Variants in KCNMA1 observed in about 807,000 individuals in gnomAD.
KCNMA1 encodes the protein potassium calcium-activated channel subfamily M alpha 1, also known as Calcium-activated potassium channel subunit alpha-1.
In KCNMA1, 29 loss-of-function variants were observed where a neutral mutation model predicts 140.0. The ratio of observed to expected loss-of-function variants is 0.21; its 90% confidence interval spans 0.15 to 0.28. The LOEUF (loss-of-function observed/expected upper bound fraction) is 0.28, where lower values mean the gene tolerates loss of function less well. Ranked by LOEUF, KCNMA1 falls within the 10% of genes least tolerant of loss-of-function variation. The pLI is 1.00. For synonymous variants in KCNMA1, 612 were observed against 611.9 expected (o/e 1.00, Z 0.00); for missense variants, 880 against 1,602.2 (o/e 0.55, Z 7.70).
At chr10:77,198,567 T>TTATATATATA in intron 3 of KCNMA1, among the ~76,000 whole-genome samples, 1 of 54,234 alleles carries the variant, frequency 1.8e-5, no homozygotes, top group South Asian at 9.1e-4. Context: ...CATATATATG[T>TTATATATATA]GATATATATA....
chr10:76,937,203 C>T (rs769969607), intron 23 of KCNMA1, among the ~76,000 whole-genome samples: 1 of 152,198 alleles, frequency 6.6e-6, no homozygotes, highest in African/African-American at 2.4e-5. Context: ...TCCTGTTCTC[C>T]TTAATTATTA....
chr10:77,370,594 T>A (rs1314566207), intron 2 of KCNMA1, among the ~76,000 whole-genome samples: 1 of 152,152 alleles, frequency 6.6e-6, no homozygotes, highest in Admixed American at 6.5e-5. Context: ...CATTTCAACA[T>A]GCATCTCAAC....
intron 14 of KCNMA1, among the ~76,000 whole-genome samples, chr10:77,052,843 C>G (rs377251103): frequency 6.6e-6 from 1 of 152,056 alleles, no homozygotes; most frequent in Non-Finnish European, 1.5e-5. Flanking sequence ...TTTTAGAAAG[C>G]AAGTTATAAA....
chr10:77,052,932 C>A (rs540425982), intron 14 of KCNMA1, among the ~76,000 whole-genome samples: 79 of 152,290 alleles, frequency 5.2e-4, no homozygotes, highest in African/African-American at 1.8e-3. Flanking sequence ...TCAAAGTATT[C>A]CCCCAAATAC....
chr10:77,018,584 A>G (rs2092461186), intron 17 of KCNMA1, among the ~76,000 whole-genome samples: 1 of 152,210 alleles, frequency 6.6e-6, no homozygotes, highest in South Asian at 2.1e-4. Context: ...TCCATCTGAA[A>G]TTAATCCCAA....
At chr10:77,508,624 CTCTT>C (rs1260522846) in intron 1 of KCNMA1, among the ~76,000 whole-genome samples, 1 of 102,082 alleles carries the variant, frequency 9.8e-6, no homozygotes, top group Non-Finnish European at 1.9e-5. Flanking sequence ...CCCTCTCTCT[CTCTT>C]TTTTTCTTTT....
rs553150841 is a variant in KCNMA1, at chr10:77,296,914, G to GC, written c.541-45659_541-45658insG. Among the ~76,000 whole-genome samples, 52 of 149,904 alleles carry GC rather than the reference G, an allele frequency of 3.5e-4. 1 individual carries two copies. Among genetic ancestry groups the GC allele is most frequent in the Non-Finnish European group, 6.1e-4 (41 of 66,956 alleles). ...AGAGGAATGCCTGGGTGTGTGGGCG[G>GC]GGGGGCGGTGGGGGAATGTAGAGAA... On this transcript the variant is annotated intron_variant, in intron 2 of 27. Transcript: ENST00000286628.
At chr10:76,901,890 G>C (rs1422017039) in intron 25 of KCNMA1, 1 of 152,232 alleles carries the variant, frequency 6.6e-6, no homozygotes, top group East Asian at 1.9e-4. Context: ...TTTTGCTCCT[G>C]TTTTGATACC....
At chr10:76,974,455 A>G (rs1362925856) in intron 19 of KCNMA1, 4 of 1,358,028 alleles carry the variant, frequency 2.9e-6, no homozygotes, top group Admixed American at 2.0e-5. Context: ...GGTAGTTATT[A>G]AAAATGGGAA....
At chr10:77,285,939 C>T (rs1209191557) in intron 2 of KCNMA1, among the ~76,000 whole-genome samples, 1 of 152,134 alleles carries the variant, frequency 6.6e-6, no homozygotes, top group Admixed American at 6.5e-5. Context: ...GATCAGTATT[C>T]CCCTGGTGGA....
At chr10:77,061,888 A>C (rs932450347) in intron 14 of KCNMA1, among the ~76,000 whole-genome samples, 1 of 152,212 alleles carries the variant, frequency 6.6e-6, no homozygotes, top group African/African-American at 2.4e-5. Context: ...ATGCTAAATG[A>C]AAAAAGCCAA....
intron 1 of KCNMA1, among the ~76,000 whole-genome samples, chr10:77,511,234 T>G (rs772525088): frequency 3.3e-5 from 5 of 152,234 alleles, no homozygotes; most frequent in Non-Finnish European, 7.3e-5. Context: ...GTGATGCTGA[T>G]GCTGTTGACC....
In KCNMA1 at chr10:77,308,733, T is replaced by C. The variant is rs149728782; in HGVS notation, c.541-57477A>G. 6.5e-4 allele frequency among the ~76,000 whole-genome samples: 99 copies of C among 152,300 alleles called. No homozygotes were observed. In the East Asian group the frequency reaches 0.017, roughly 26 times the overall value. On this transcript the variant is annotated intron_variant, in intron 2 of 27. Coordinates refer to ENST00000286628, the MANE Select transcript of KCNMA1 (RefSeq NM_001161352.2). Reference sequence around the variant, plus strand: ...GATAATGTGTGTCCACCATCACACATACATTACCTGCCCTGAGTCTACTCT... The same window carrying C: ...GATAATGTGTGTCCACCATCACACACACATTACCTGCCCTGAGTCTACTCT...
intron 24 of KCNMA1, chr10:76,913,914 C>A: frequency 1.6e-6 from 1 of 644,886 alleles, no homozygotes; most frequent in Non-Finnish European, 2.7e-6. Flanking sequence ...CAACCAGAGC[C>A]ACAAATAAAA....
chr10:77,168,592 T>G (rs990780083), intron 5 of KCNMA1, among the ~76,000 whole-genome samples: 4 of 152,208 alleles, frequency 2.6e-5, no homozygotes, highest in African/African-American at 9.6e-5. Flanking sequence ...TATAAGCTTA[T>G]GGGACCACCA....
intron 2 of KCNMA1, among the ~76,000 whole-genome samples, chr10:77,291,780 T>C (rs1329875591): frequency 6.6e-6 from 1 of 152,220 alleles, no homozygotes; most frequent in Non-Finnish European, 1.5e-5. Flanking sequence ...GTGCTGGTGC[T>C]TTACTTGGGC....
chr10:77,153,358 ATCT>A (rs1221066146), intron 5 of KCNMA1, among the ~76,000 whole-genome samples: 1 of 152,034 alleles, frequency 6.6e-6, no homozygotes, highest in African/African-American at 2.4e-5. Flanking sequence ...TTCTGATTTC[ATCT>A]TCTTTTTTTC....
chr10:77,451,199 C>A (rs78509553), intron 1 of KCNMA1, among the ~76,000 whole-genome samples: 6,857 of 152,244 alleles, frequency 0.045, 215 homozygotes, highest in Non-Finnish European at 0.067. Flanking sequence ...CAGCCCTCAG[C>A]CCTGGACCCC....
At chr10:77,163,597 T>G (rs551450334) in intron 5 of KCNMA1, among the ~76,000 whole-genome samples, 2 of 152,284 alleles carry the variant, frequency 1.3e-5, no homozygotes, top group East Asian at 1.9e-4. Context: ...GAACTCACAG[T>G]CTGGGTCTGG....
Sources: allele counts gnomAD v4.1 joint callset (sites outside exome capture counted in the v4.1 genomes callset), GRCh38; gene constraint gnomAD v4.1.1; transcripts MANE v1.5; gene names NCBI Gene and HGNC (gene_info 2026-07-23, HGNC 2026-07-21).